PTPRM: variants seen among roughly 807,000 people sequenced by gnomAD.
PTPRM encodes the protein receptor-type tyrosine-protein phosphatase mu.
In PTPRM, 47 loss-of-function variants were observed where a neutral mutation model predicts 186.7. The observed-to-expected ratio is 0.25, with a 90% CI of 0.20 to 0.32. The LOEUF is 0.32. Ranked by LOEUF, PTPRM falls within the 10% of genes least tolerant of loss-of-function variation. The pLI is 1.00. For missense variants in PTPRM, 1,494 were observed against 1,865.0 expected (o/e 0.80, Z 3.66); for synonymous variants, 668 against 674.9 (o/e 0.99, Z 0.16).
chr18:7,828,641 T>C (rs977089929), intron 2 of PTPRM, among the ~76,000 whole-genome samples: 1 of 152,120 alleles, frequency 6.6e-6, no homozygotes, highest in African/African-American at 2.4e-5. Flanking sequence ...TGCTGTGCAG[T>C]ACATCTGTGT....
At chr18:8,313,284 C>G (rs1419798682) in intron 20 of PTPRM, among the ~76,000 whole-genome samples, 1 of 152,172 alleles carries the variant, frequency 6.6e-6, no homozygotes. Context: ...TATCAGGCCC[C>G]CCTGTGCTTT....
chr18:7,976,561 A>G (rs1049084060), intron 7 of PTPRM, among the ~76,000 whole-genome samples: 6 of 152,298 alleles, frequency 3.9e-5, no homozygotes, highest in African/African-American at 1.2e-4. Flanking sequence ...GCTTCGTGCC[A>G]TGCAATTTTG....
chr18:7,922,223 T>C (rs2146746992), intron 4 of PTPRM, among the ~76,000 whole-genome samples: 1 of 152,300 alleles, frequency 6.6e-6, no homozygotes, highest in East Asian at 1.9e-4. Flanking sequence ...GGCTAAGGGT[T>C]TGTGCAGAAA....
At chr18:8,382,365 G>C (rs1358107410) in intron 29 of PTPRM, among the ~76,000 whole-genome samples, 1 of 152,064 alleles carries the variant, frequency 6.6e-6, no homozygotes, top group Admixed American at 6.5e-5. Context: ...GCAGAAAGCA[G>C]AGTAAGCTCA....
rs553352911 is a variant in PTPRM at position 8,080,605 on chromosome 18, G to T, written c.1551+4041G>T. ...GCTGATTGGGACATTCAAGAGTCTA[G>T]AGTTGAAGACACCTTAATATCCTTA... On this transcript the variant is annotated intron_variant, in intron 9 of 32. Coordinates refer to ENST00000580170, the MANE Select transcript of PTPRM (RefSeq NM_001105244.2). 1.5e-3 allele frequency among the ~76,000 whole-genome samples: 226 copies of T among 152,288 alleles called. 1 individual carries two copies. Among genetic ancestry groups the T allele is most frequent in the Non-Finnish European group, 2.0e-3 (139 of 68,020 alleles).
chr18:8,359,101 G>A (rs3888340), intron 23 of PTPRM, among the ~76,000 whole-genome samples: 45,751 of 151,582 alleles, frequency 0.3, 7,337 homozygotes, highest in African/African-American at 0.43. Context: ...CCTTTAAAAA[G>A]ACAAAAAAAG....
intron 17 of PTPRM, among the ~76,000 whole-genome samples, chr18:8,248,548 G>A (rs923729962): frequency 1.3e-5 from 2 of 152,170 alleles, no homozygotes; most frequent in Non-Finnish European, 2.9e-5. Flanking sequence ...TAGTGTGATA[G>A]TCATAAAAGT....
At chr18:7,593,489 C>T (rs2037177257) in intron 1 of PTPRM, among the ~76,000 whole-genome samples, 1 of 152,160 alleles carries the variant, frequency 6.6e-6, no homozygotes, top group African/African-American at 2.4e-5. Flanking sequence ...GAATGAAACT[C>T]CAGGCTTCTA....
intron 13 of PTPRM, among the ~76,000 whole-genome samples, chr18:8,133,745 G>A: frequency 6.6e-6 from 1 of 152,124 alleles, no homozygotes; most frequent in African/African-American, 2.4e-5. Context: ...TATTAGGAAA[G>A]GGGGTTGGAG....
chr18:7,580,546 G>A (rs565343460), intron 1 of PTPRM, among the ~76,000 whole-genome samples: 4 of 152,118 alleles, frequency 2.6e-5, no homozygotes, highest in African/African-American at 4.8e-5. Flanking sequence ...GATAATATAC[G>A]TAAGCCTTAT....
At chr18:8,362,627 C>G (rs574265193) in intron 23 of PTPRM, among the ~76,000 whole-genome samples, 1 of 152,184 alleles carries the variant, frequency 6.6e-6, no homozygotes, top group Non-Finnish European at 1.5e-5. Flanking sequence ...TCCATATCCA[C>G]CCATAGAAAC....
chr18:7,937,551 C>A (rs1369215241), intron 5 of PTPRM, among the ~76,000 whole-genome samples: 2 of 152,212 alleles, frequency 1.3e-5, no homozygotes, highest in Non-Finnish European at 2.9e-5. Context: ...CCGAGCGCAG[C>A]CTGCCAAGCC....
intron 9 of PTPRM, among the ~76,000 whole-genome samples, chr18:8,083,327 C>G: frequency 6.6e-6 from 1 of 152,148 alleles, no homozygotes; most frequent in East Asian, 1.9e-4. Context: ...ACTTCTCAAG[C>G]CCCCAAGGAA....
At position 7,720,120 on chromosome 18, in the gene PTPRM, G is replaced by A. The variant is rs75611022; in HGVS notation, c.74-54029G>A. Reference sequence around the variant, plus strand: ...GATAGTTATAATTTGTTCTTTGATAGGACAACTCATTATCATAAAAATATC... The same window carrying A: ...GATAGTTATAATTTGTTCTTTGATAAGACAACTCATTATCATAAAAATATC... On this transcript the variant is annotated intron_variant, in intron 1 of 32. Coordinates refer to ENST00000580170, the MANE Select transcript of PTPRM (RefSeq NM_001105244.2). 3.2e-4 allele frequency among the ~76,000 whole-genome samples: 49 copies of A among 152,032 alleles called. No homozygotes were observed. In the East Asian group the frequency reaches 8.1e-3, roughly 25 times the overall value.
chr18:7,840,809 T>A (rs566294048), intron 2 of PTPRM, among the ~76,000 whole-genome samples: 5 of 152,326 alleles, frequency 3.3e-5, no homozygotes, highest in Admixed American at 6.5e-5. Context: ...CTGCTACTAT[T>A]TTGCTTTGAC....
chr18:8,387,504 G>GAAAAA (rs11375233), intron 31 of PTPRM, among the ~76,000 whole-genome samples: 1 of 147,258 alleles, frequency 6.8e-6, no homozygotes. Context: ...CTGCCAAGAG[G>GAAAAA]AAAAAAAAAA....
chr18:8,118,372 T>G (rs2092035745), intron 13 of PTPRM, among the ~76,000 whole-genome samples: 1 of 152,214 alleles, frequency 6.6e-6, no homozygotes, highest in African/African-American at 2.4e-5. Flanking sequence ...TCATATATGT[T>G]AATTTGATCC....
intron 23 of PTPRM, among the ~76,000 whole-genome samples, chr18:8,366,537 T>A (rs531504150): frequency 6.6e-6 from 1 of 152,342 alleles, no homozygotes; most frequent in African/African-American, 2.4e-5. Flanking sequence ...ATCCTCTGAC[T>A]TTAATTTACC....
chr18:8,216,287 T>TG (rs2094084918), intron 14 of PTPRM, among the ~76,000 whole-genome samples: 1 of 152,280 alleles, frequency 6.6e-6, no homozygotes, highest in South Asian at 2.1e-4. Flanking sequence ...TTCAAATATG[T>TG]GGGGGTATAC....
Sources: allele counts gnomAD v4.1 joint callset (sites outside exome capture counted in the v4.1 genomes callset), GRCh38; gene constraint gnomAD v4.1.1; transcripts MANE v1.5; gene names NCBI Gene and HGNC (gene_info 2026-07-23, HGNC 2026-07-21).